Variants in MAGI1 observed in about 807,000 individuals in gnomAD.
MAGI1 encodes the protein membrane associated guanylate kinase, WW and PDZ domain containing 1, also known as membrane-associated guanylate kinase, WW and PDZ domain-containing protein 1.
Under a neutral mutation model 139.9 loss-of-function variants are expected in MAGI1, and 58 were observed. The ratio of observed to expected loss-of-function variants is 0.41; its 90% CI spans 0.34 to 0.52. The LOEUF (loss-of-function observed/expected upper bound fraction) is 0.52. Among genes scored for constraint, MAGI1 ranks in the 20% least tolerant of loss-of-function variants. MAGI1 has a pLI of 0.12. For synonymous variants in MAGI1, 812 were observed against 737.9 expected (o/e 1.10, Z -1.63); for missense variants, 1,874 against 1,901.6 (o/e 0.99, Z 0.27).
chr3:65,364,522 G>A (rs1019569690), intron 20 of MAGI1, 143 bp downstream of exon 20: 1 of 689,254 alleles, frequency 1.5e-6, no homozygotes, highest in Admixed American at 2.7e-5. Context: ...ACAATCAAAT[G>A]TAAGTATACG....
At chr3:65,625,269 T>C (rs1313334574) in intron 1 of MAGI1, among the ~76,000 whole-genome samples, 3 of 152,246 alleles carry the variant, frequency 2.0e-5, no homozygotes, top group Non-Finnish European at 4.4e-5. Flanking sequence ...TTTTATTATA[T>C]GTAAGCTATA....
intron 1 of MAGI1, among the ~76,000 whole-genome samples, chr3:65,869,832 C>T (rs777860350): frequency 2.0e-5 from 3 of 152,160 alleles, no homozygotes; most frequent in Non-Finnish European, 4.4e-5. Flanking sequence ...ACATTCCTCA[C>T]CTGCAATTAA....
At position 65,789,708 on chromosome 3, in the gene MAGI1, G is replaced by A. The variant is rs115036204; in HGVS notation, c.314-167620C>T. On this transcript the variant is annotated intron_variant, in intron 1 of 22. Transcript: ENST00000402939. The stretch of plus-strand genomic sequence containing the variant: ...GGCTGATTTAGCCGGGATCTCCCTC[G>A]CCCACGGCCCTATGGCTGCAATTAG... 6.2e-3 allele frequency among the ~76,000 whole-genome samples: 944 copies of A among 152,184 alleles called. 11 individuals are homozygous for A. The highest frequency in any genetic ancestry group is 0.021 in the African/African-American group (873 of 41,526).
intron 1 of MAGI1, among the ~76,000 whole-genome samples, chr3:65,709,994 C>T (rs965494864): frequency 2.0e-5 from 3 of 152,176 alleles, no homozygotes. Flanking sequence ...AAAAAGCTGA[C>T]TTGGTGAGCA....
At chr3:66,032,881 C>G (rs1268462444) in intron 1 of MAGI1, among the ~76,000 whole-genome samples, 2 of 142,094 alleles carry the variant, frequency 1.4e-5, no homozygotes, top group Admixed American at 1.4e-4. Context: ...CACCACTGCA[C>G]TCCAGCCTGG....
chr3:65,418,308 A>G (rs547420178), intron 12 of MAGI1, among the ~76,000 whole-genome samples: 2 of 152,258 alleles, frequency 1.3e-5, no homozygotes, highest in South Asian at 2.1e-4. Flanking sequence ...TTTTCTCCTT[A>G]TTTCAGAACT....
At chr3:65,990,667 G>A (rs1025373844) in intron 1 of MAGI1, among the ~76,000 whole-genome samples, 3 of 152,164 alleles carry the variant, frequency 2.0e-5, no homozygotes, top group Non-Finnish European at 2.9e-5. Context: ...TGCTCAGAAA[G>A]AGAATGCTGA....
At position 65,769,568 on chromosome 3, in the gene MAGI1, CA is replaced by C. The variant is rs2037776013; in HGVS notation, c.314-147481del. Among the ~76,000 whole-genome samples, 14 of 152,238 alleles carry C rather than the reference CA, an allele frequency of 9.2e-5. No homozygotes were observed. In the South Asian group the frequency reaches 2.9e-3, roughly 32 times the overall value. ...GAAATAAACAGTCCCAGGCCCCATCCAGGTACAAGCTGCAATTTCACAGCAT... is the reference window on the plus strand; with the variant it reads ...GAAATAAACAGTCCCAGGCCCCATCCGGTACAAGCTGCAATTTCACAGCAT... On this transcript the variant is annotated intron_variant, in intron 1 of 22. Coordinates refer to ENST00000402939, the MANE Select transcript of MAGI1 (RefSeq NM_001033057.2).
intron 1 of MAGI1, among the ~76,000 whole-genome samples, chr3:65,712,482 G>A (rs933602321): frequency 1.3e-4 from 19 of 149,822 alleles, no homozygotes; most frequent in Middle Eastern, 3.6e-3. Context: ...AGCCATGCGC[G>A]ATAATAAAAT....
chr3:66,013,333 G>A (rs2067433711), intron 1 of MAGI1, among the ~76,000 whole-genome samples: 1 of 150,928 alleles, frequency 6.6e-6, no homozygotes, highest in South Asian at 2.1e-4. Flanking sequence ...TACCCAGGTG[G>A]CAGAGGTTGC....
At chr3:65,676,077 C>T (rs2087171719) in intron 1 of MAGI1, among the ~76,000 whole-genome samples, 1 of 152,152 alleles carries the variant, frequency 6.6e-6, no homozygotes, top group African/African-American at 2.4e-5. Flanking sequence ...TTTTGACAAG[C>T]TTGTAGTAAA....
intron 8 of MAGI1, 101 bp from the exon 9 acceptor site, chr3:65,440,113 G>A (rs1948169182): frequency 3.1e-6 from 4 of 1,290,586 alleles, no homozygotes; most frequent in East Asian, 2.3e-5. Flanking sequence ...CAGAGCAGGT[G>A]GTCTGAGATG....
chr3:65,785,335 T>TC (rs1306381546), intron 1 of MAGI1, among the ~76,000 whole-genome samples: 1 of 152,170 alleles, frequency 6.6e-6, no homozygotes, highest in Non-Finnish European at 1.5e-5. Context: ...ATTTCATTCT[T>TC]CCCCCTTTTC....
intron 10 of MAGI1, among the ~76,000 whole-genome samples, chr3:65,431,465 C>T (rs1173940709): frequency 6.6e-6 from 1 of 152,070 alleles, no homozygotes; most frequent in Non-Finnish European, 1.5e-5. Context: ...ATTCTAAATT[C>T]AACTGATTTT....
chr3:65,535,595 A>C (rs2078926096), intron 2 of MAGI1, among the ~76,000 whole-genome samples: 2 of 152,242 alleles, frequency 1.3e-5, no homozygotes, highest in African/African-American at 4.8e-5. Flanking sequence ...TTTCAAATCT[A>C]AAAAGCAATC....
intron 1 of MAGI1, among the ~76,000 whole-genome samples, chr3:65,828,037 T>C (rs535600060): frequency 1.8e-3 from 270 of 152,216 alleles, no homozygotes; most frequent in African/African-American, 6.2e-3. Context: ...TCAACTAGAG[T>C]TGATTTTATA....
At chr3:65,458,885 T>C (rs1343942096) in intron 5 of MAGI1, among the ~76,000 whole-genome samples, 2 of 152,210 alleles carry the variant, frequency 1.3e-5, no homozygotes, top group Non-Finnish European at 2.9e-5. Context: ...CCCACTCTCA[T>C]GTCCTGGAGA....
At chr3:65,834,226 T>G (rs1219819609) in intron 1 of MAGI1, among the ~76,000 whole-genome samples, 3 of 152,230 alleles carry the variant, frequency 2.0e-5, no homozygotes, top group Non-Finnish European at 4.4e-5. Context: ...TAAAGGCTAC[T>G]TTAGATTGGG....
intron 2 of MAGI1, among the ~76,000 whole-genome samples, chr3:65,621,717 C>T (rs892183679): frequency 2.6e-5 from 4 of 152,186 alleles, no homozygotes; most frequent in Non-Finnish European, 4.4e-5. Context: ...ATTACTAACA[C>T]GTCCTTTCCA....
Sources: gnomAD v4.1 joint callset for allele counts (sites outside exome capture counted in the v4.1 genomes callset) on GRCh38, gnomAD v4.1.1 for gene constraint, MANE v1.5 for transcripts, NCBI Gene and HGNC (gene_info 2026-07-23, HGNC 2026-07-21) for gene names.